CSMD1: variants seen among roughly 807,000 people sequenced by gnomAD.
CSMD1 encodes CUB and sushi domain-containing protein 1.
In CSMD1, 213 loss-of-function variants were observed where a neutral mutation model predicts 417.5. That is an observed-to-expected ratio of 0.51 (90% CI 0.46 to 0.57). The LOEUF is 0.57. Among genes scored for constraint, CSMD1 ranks in the 20% least tolerant of loss-of-function variants. The pLI is 0.00. For synonymous variants in CSMD1, 2,862 were observed against 1,736.8 expected, an observed-to-expected ratio of 1.65 and a Z score of -16.11; for missense variants, 6,923 against 4,529.7, an observed-to-expected ratio of 1.53 and a Z score of -15.17.
intron 7 of CSMD1, among the ~76,000 whole-genome samples, chr8:3,663,861 G>A (rs1798546991): frequency 6.6e-6 from 1 of 152,110 alleles, no homozygotes; most frequent in Non-Finnish European, 1.5e-5. Context: ...GATCTTCTGA[G>A]GTTGTGTCAC....
chr8:3,609,742 A>T (rs1476607886), intron 8 of CSMD1, among the ~76,000 whole-genome samples: 1 of 137,848 alleles, frequency 7.3e-6, no homozygotes, highest in East Asian at 2.1e-4. Context: ...AGAATTTAAA[A>T]AAAAAAAAAC....
chr8:3,016,564 A>G (rs1046581564), intron 52 of CSMD1, among the ~76,000 whole-genome samples: 1 of 152,168 alleles, frequency 6.6e-6, no homozygotes, highest in Non-Finnish European at 1.5e-5. Flanking sequence ...TTAACTTTCA[A>G]AATGTTTGTG....
intron 11 of CSMD1, among the ~76,000 whole-genome samples, chr8:3,470,669 GC>G (rs1238911250): frequency 6.6e-6 from 1 of 152,014 alleles, no homozygotes; most frequent in Admixed American, 6.6e-5. Flanking sequence ...TCACACTCAT[GC>G]CCCTCTTGCT....
intron 3 of CSMD1, among the ~76,000 whole-genome samples, chr8:4,140,778 C>T (rs1803739747): frequency 1.3e-5 from 2 of 151,000 alleles, no homozygotes; most frequent in South Asian, 4.1e-4. Flanking sequence ...CTTTGCTCTC[C>T]CCTAGGGTGG....
chr8:4,265,967 A>T (rs1354514), intron 3 of CSMD1, among the ~76,000 whole-genome samples: 95,409 of 101,570 alleles, frequency 0.94, 45,888 homozygotes, highest in East Asian at 1. Context: ...CCCCCACTGT[A>T]TTCCATGCCT....
At chr8:3,942,685 C>A (rs1162767500) in intron 5 of CSMD1, among the ~76,000 whole-genome samples, 1 of 152,138 alleles carries the variant, frequency 6.6e-6, no homozygotes, top group African/African-American at 2.4e-5. Flanking sequence ...GTCCTTTTCC[C>A]TAATGCCCTT....
chr8:4,351,529 T>C (rs555113606), intron 3 of CSMD1, among the ~76,000 whole-genome samples: 1 of 152,210 alleles, frequency 6.6e-6, no homozygotes, highest in African/African-American at 2.4e-5. Context: ...AATTGTGAGA[T>C]TCATGGAGGT....
intron 3 of CSMD1, among the ~76,000 whole-genome samples, chr8:4,136,496 T>C (rs1803444070): frequency 6.6e-6 from 1 of 152,192 alleles, no homozygotes; most frequent in Non-Finnish European, 1.5e-5. Flanking sequence ...TGCTATTATA[T>C]TACTGTCCAC....
intron 5 of CSMD1, among the ~76,000 whole-genome samples, chr8:3,775,244 A>T (rs1798835431): frequency 1.3e-5 from 2 of 152,216 alleles, no homozygotes; most frequent in Admixed American, 1.3e-4. Context: ...TTAGAAATGA[A>T]TTGTATGTTA....
chr8:4,260,500 CAATGTT>C (rs1803802095), intron 3 of CSMD1, among the ~76,000 whole-genome samples: 1 of 152,066 alleles, frequency 6.6e-6, no homozygotes, highest in Non-Finnish European at 1.5e-5. Context: ...ACAAGGCAAA[CAATGTT>C]AAAGAACACT....
At chr8:4,705,356 A>AC (rs1252907927) in intron 1 of CSMD1, among the ~76,000 whole-genome samples, 2 of 152,184 alleles carry the variant, frequency 1.3e-5, no homozygotes, top group African/African-American at 4.8e-5. Context: ...TACTTTCTGG[A>AC]AACCATGATG....
chr8:4,672,922 C>T (rs530463682), intron 1 of CSMD1, among the ~76,000 whole-genome samples: 33 of 152,018 alleles, frequency 2.2e-4, no homozygotes, highest in Admixed American at 9.8e-4. Flanking sequence ...ACAAACATGG[C>T]GACATACACA....
intron 3 of CSMD1, among the ~76,000 whole-genome samples, chr8:4,210,908 G>T (rs1159159929): frequency 6.6e-6 from 1 of 152,074 alleles, no homozygotes; most frequent in East Asian, 1.9e-4. Flanking sequence ...ATAAGAAATG[G>T]TTGACTTAAT....
chr8:3,293,009 T>C (rs556825636), intron 25 of CSMD1, among the ~76,000 whole-genome samples: 36 of 152,326 alleles, frequency 2.4e-4, no homozygotes, highest in African/African-American at 7.9e-4. Flanking sequence ...GGAGGTCTTT[T>C]AGGGCAGGCC....
intron 2 of CSMD1, among the ~76,000 whole-genome samples, chr8:4,474,553 T>C (rs980348995): frequency 1.3e-5 from 2 of 152,192 alleles, no homozygotes; most frequent in African/African-American, 4.8e-5. Flanking sequence ...TTTAGCACTT[T>C]TGAGAGTGAG....
At chr8:4,105,343 T>A (rs1032340208) in intron 3 of CSMD1, among the ~76,000 whole-genome samples, 1 of 152,014 alleles carries the variant, frequency 6.6e-6, no homozygotes, top group East Asian at 1.9e-4. Context: ...CTGAATTTTT[T>A]TTTTATGTTT....
intron 1 of CSMD1, among the ~76,000 whole-genome samples, chr8:4,924,505 C>A (rs1429836829): frequency 6.6e-6 from 1 of 152,000 alleles, no homozygotes; most frequent in Admixed American, 6.6e-5. Flanking sequence ...GGTAGATCAC[C>A]TGAGGTCAGG....
chr8:4,672,739 T>G (rs1563112918), intron 1 of CSMD1, among the ~76,000 whole-genome samples: 1 of 150,796 alleles, frequency 6.6e-6, no homozygotes, highest in South Asian at 2.1e-4. Context: ...ACACGCACTC[T>G]CATACAGTGA....
chr8:4,699,585 G>A (rs1007797815), intron 1 of CSMD1, among the ~76,000 whole-genome samples: 3 of 151,832 alleles, frequency 2.0e-5, no homozygotes, highest in Non-Finnish European at 4.4e-5. Flanking sequence ...TAACCAATAA[G>A]AATATAAACA....
Sources: allele counts gnomAD v4.1 joint callset (sites outside exome capture counted in the v4.1 genomes callset), GRCh38; gene constraint gnomAD v4.1.1; transcripts MANE v1.5; gene names NCBI Gene and HGNC (gene_info 2026-07-23, HGNC 2026-07-21).